Variants in SLC24A4 observed in about 807,000 individuals in gnomAD.
The protein encoded by SLC24A4 is sodium/potassium/calcium exchanger 4.
SLC24A4 carries 53 observed loss-of-function variants against 79.0 expected under a neutral mutation model. The ratio of observed to expected loss-of-function variants is 0.67; its 90% CI spans 0.54 to 0.84. SLC24A4 has a LOEUF of 0.84. Ranked by LOEUF, SLC24A4 falls within the 40% of genes least tolerant of loss-of-function variation. SLC24A4 has a pLI of 0.00. For missense variants in SLC24A4, 731 were observed against 822.0 expected (o/e 0.89, Z 1.35); for synonymous variants, 323 against 323.8 (o/e 1.00, Z 0.03).
chr14:92,367,075 A>AG (rs1380459061), intron 2 of SLC24A4, among the ~76,000 whole-genome samples: 1 of 152,204 alleles, frequency 6.6e-6, no homozygotes, highest in African/African-American at 2.4e-5. Flanking sequence ...GGTACCATCC[A>AG]GCAATTCTTG....
chr14:92,467,355 T>A (rs938642472), intron 12 of SLC24A4, among the ~76,000 whole-genome samples: 2 of 152,298 alleles, frequency 1.3e-5, no homozygotes, highest in East Asian at 1.9e-4. Context: ...TCCAACACAT[T>A]TTCTTGATGA....
intron 2 of SLC24A4, among the ~76,000 whole-genome samples, chr14:92,393,274 C>T (rs1889586188): frequency 6.6e-6 from 1 of 152,240 alleles, no homozygotes; most frequent in South Asian, 2.1e-4. Context: ...GTGATGGAAT[C>T]ACAAAACGGT....
Position 92,348,976 on chromosome 14 carries a change from C to T in SLC24A4, c.241+22998C>T, listed in dbSNP as rs112682974. On this transcript the variant is annotated intron_variant, in intron 2 of 16. Transcript: ENST00000532405. ...ACCATGGCTTGTAATCTGGAGTTAC[C>T]AGCTCGCAGGGAGGCACCAAGTCAC... is the stretch of plus-strand genomic sequence containing the variant. 5.8e-3 allele frequency among the ~76,000 whole-genome samples: 879 copies of T among 152,082 alleles called. 7 individuals carry two copies. The highest frequency in any genetic ancestry group is 0.019 in the African/African-American group (802 of 41,466).
At chr14:92,386,648 G>T (rs1260393789) in intron 2 of SLC24A4, among the ~76,000 whole-genome samples, 1 of 152,160 alleles carries the variant, frequency 6.6e-6, no homozygotes, top group Non-Finnish European at 1.5e-5. Context: ...CTAAAAGGCA[G>T]TTAAACCAGC....
chr14:92,420,676 A>G (rs561422384), intron 2 of SLC24A4, among the ~76,000 whole-genome samples: 91 of 152,316 alleles, frequency 6.0e-4, no homozygotes, highest in Middle Eastern at 6.8e-3. Context: ...TTCACAGGCT[A>G]CTGGCCATAC....
At chr14:92,481,787 C>G (rs1895083754) in intron 12 of SLC24A4, among the ~76,000 whole-genome samples, 1 of 152,130 alleles carries the variant, frequency 6.6e-6, no homozygotes, top group Non-Finnish European at 1.5e-5. Context: ...CAATTTTTTG[C>G]TGTTGTTCTC....
intron 2 of SLC24A4, among the ~76,000 whole-genome samples, chr14:92,417,215 T>A (rs933455281): frequency 1.3e-4 from 20 of 152,364 alleles, no homozygotes; most frequent in East Asian, 7.7e-4. Context: ...CATAAGATTA[T>A]ACAGATAGGG....
At chr14:92,397,999 A>G (rs1335269716) in intron 2 of SLC24A4, among the ~76,000 whole-genome samples, 1 of 152,176 alleles carries the variant, frequency 6.6e-6, no homozygotes, top group Non-Finnish European at 1.5e-5. Flanking sequence ...CACGCAACCA[A>G]TAACGAGACT....
chr14:92,401,963 A>G (rs1474729323), intron 2 of SLC24A4, among the ~76,000 whole-genome samples: 2 of 152,200 alleles, frequency 1.3e-5, no homozygotes, highest in Non-Finnish European at 2.9e-5. Context: ...TAAGAGTAAA[A>G]GAAATACGAG....
At chr14:92,397,623 G>A (rs767427779) in intron 2 of SLC24A4, among the ~76,000 whole-genome samples, 7 of 152,140 alleles carry the variant, frequency 4.6e-5, no homozygotes, top group Non-Finnish European at 1.0e-4. Context: ...GGTCAGAGTG[G>A]ACAGAGATGG....
intron 2 of SLC24A4, among the ~76,000 whole-genome samples, chr14:92,342,339 C>T (rs1484671670): frequency 6.8e-6 from 1 of 147,694 alleles, no homozygotes; most frequent in Non-Finnish European, 1.5e-5. Context: ...TTCTGACATG[C>T]TCCCAGATTC....
At chr14:92,471,448 G>T (rs1894437899) in intron 12 of SLC24A4, among the ~76,000 whole-genome samples, 1 of 152,178 alleles carries the variant, frequency 6.6e-6, no homozygotes, top group African/African-American at 2.4e-5. Flanking sequence ...AAGATTTTTA[G>T]CTGGGAACCT....
At chr14:92,408,166 A>AGTGTGTGTGTGT (rs143375295) in intron 2 of SLC24A4, among the ~76,000 whole-genome samples, 5,657 of 136,786 alleles carry the variant, frequency 0.041, 210 homozygotes, top group East Asian at 0.16. Flanking sequence ...TTGCTACAGC[A>AGTGTGTGTGTGT]GTGTGTGTGT....
chr14:92,380,268 G>A (rs1462110590), intron 2 of SLC24A4, among the ~76,000 whole-genome samples: 1 of 152,230 alleles, frequency 6.6e-6, no homozygotes, highest in Non-Finnish European at 1.5e-5. Context: ...ACCACGAGGG[G>A]AATGTTAAGC....
intron 2 of SLC24A4, among the ~76,000 whole-genome samples, chr14:92,327,763 A>G (rs1376796476): frequency 1.3e-5 from 2 of 152,250 alleles, no homozygotes; most frequent in Admixed American, 1.3e-4. Flanking sequence ...TGTCTGATTA[A>G]AAATCATTCA....
At chr14:92,376,152 A>G (rs1888487480) in intron 2 of SLC24A4, among the ~76,000 whole-genome samples, 1 of 152,204 alleles carries the variant, frequency 6.6e-6, no homozygotes, top group African/African-American at 2.4e-5. Context: ...CAGTGGCAGA[A>G]TGAGCTCTGG....
At chr14:92,467,709 G>A (rs1894199707) in intron 12 of SLC24A4, among the ~76,000 whole-genome samples, 1 of 152,150 alleles carries the variant, frequency 6.6e-6, no homozygotes, top group Non-Finnish European at 1.5e-5. Context: ...GGAGGTAAAG[G>A]CCTGCCTAGG....
chr14:92,415,045 T>C (rs1315628347), intron 2 of SLC24A4, among the ~76,000 whole-genome samples: 3 of 151,712 alleles, frequency 2.0e-5, no homozygotes, highest in Non-Finnish European at 4.4e-5. Context: ...GGGATGGTGT[T>C]GGACTCATGG....
chr14:92,392,762 C>T (rs1042198509), intron 2 of SLC24A4, among the ~76,000 whole-genome samples: 27 of 152,256 alleles, frequency 1.8e-4, no homozygotes, highest in African/African-American at 5.1e-4. Flanking sequence ...AAAGAAGCCC[C>T]GAGGAAGCCC....
Sources: gnomAD v4.1 joint callset for allele counts (sites outside exome capture counted in the v4.1 genomes callset) on GRCh38, gnomAD v4.1.1 for gene constraint, MANE v1.5 for transcripts, NCBI Gene and HGNC (gene_info 2026-07-23, HGNC 2026-07-21) for gene names.